Variants in TANC1 observed in about 807,000 individuals in gnomAD.
The protein encoded by TANC1 is protein TANC1.
In TANC1, 77 loss-of-function variants were observed where a neutral mutation model predicts 149.7. The observed-to-expected ratio is 0.51, with a 90% confidence interval of 0.43 to 0.62. TANC1 has a LOEUF of 0.62. Among genes scored for constraint, TANC1 ranks in the 20% least tolerant of loss-of-function variants. The pLI is 0.00. For missense variants in TANC1, 1,985 were observed against 2,321.8 expected (o/e 0.85, Z 2.98); for synonymous variants, 854 against 925.0 (o/e 0.92, Z 1.39).
intron 1 of TANC1, among the ~76,000 whole-genome samples, chr2:158,972,500 T>C (rs995586563): frequency 9.9e-5 from 15 of 152,202 alleles, no homozygotes; most frequent in African/African-American, 3.6e-4. Context: ...TAAATGTTTG[T>C]GCTTTGTCCT....
intron 18 of TANC1, among the ~76,000 whole-genome samples, chr2:159,198,450 C>T (rs2058022850): frequency 6.6e-6 from 1 of 152,212 alleles, no homozygotes; most frequent in African/African-American, 2.4e-5. Context: ...GATGCCTTGT[C>T]TCCCTGCAAG....
intron 2 of TANC1, among the ~76,000 whole-genome samples, chr2:159,057,550 A>G (rs2041944171): frequency 6.6e-6 from 1 of 152,328 alleles, no homozygotes; most frequent in South Asian, 2.1e-4. Flanking sequence ...AAGTTTCTCC[A>G]TTGCTCATAG....
intron 1 of TANC1, among the ~76,000 whole-genome samples, chr2:158,987,162 C>G (rs543493276): frequency 6.9e-6 from 1 of 144,048 alleles, no homozygotes; most frequent in South Asian, 2.2e-4. Context: ...TGCAGTGAGC[C>G]GAGATTGCGC....
At chr2:159,216,596 G>C (rs1377676648) in intron 19 of TANC1, among the ~76,000 whole-genome samples, 4 of 152,170 alleles carry the variant, frequency 2.6e-5, no homozygotes, top group African/African-American at 9.7e-5. Context: ...TTAAGAATCG[G>C]GGAGTGGGGA....
At chr2:159,126,743 T>C (rs1055421121) in intron 4 of TANC1, among the ~76,000 whole-genome samples, 2 of 152,266 alleles carry the variant, frequency 1.3e-5, no homozygotes, top group African/African-American at 2.4e-5. Context: ...ACTGGACATA[T>C]CCCAGCTTAT....
At chr2:159,053,111 G>C (rs1173178197) in intron 2 of TANC1, among the ~76,000 whole-genome samples, 2 of 142,966 alleles carry the variant, frequency 1.4e-5, no homozygotes, top group African/African-American at 5.2e-5. Flanking sequence ...GACTAGATTT[G>C]TTAACATTAA....
intron 19 of TANC1, among the ~76,000 whole-genome samples, chr2:159,200,471 T>C (rs2058167944): frequency 6.6e-6 from 1 of 152,220 alleles, no homozygotes; most frequent in Non-Finnish European, 1.5e-5. Flanking sequence ...ACATCACACA[T>C]TTAGCTCAAG....
At chr2:159,195,834 G>A (rs1474173171) in intron 17 of TANC1, among the ~76,000 whole-genome samples, 1 of 152,188 alleles carries the variant, frequency 6.6e-6, no homozygotes, top group Non-Finnish European at 1.5e-5. Flanking sequence ...CTATGTCAGG[G>A]GGCTCTGGCA....
intron 1 of TANC1, among the ~76,000 whole-genome samples, chr2:158,981,310 CTGGG>C (rs1329926736): frequency 6.6e-6 from 1 of 150,688 alleles, no homozygotes; most frequent in East Asian, 2.0e-4. Flanking sequence ...AAAAAATCAT[CTGGG>C]TATGGTGGTT....
At chr2:159,168,299 ATTT>A (rs35670582) in intron 8 of TANC1, among the ~76,000 whole-genome samples, 2 of 130,366 alleles carry the variant, frequency 1.5e-5, no homozygotes, top group Admixed American at 8.0e-5. Context: ...TAGATCTTTA[ATTT>A]TTTTTTTTTT....
chr2:159,006,863 G>C (rs145115412), intron 2 of TANC1, among the ~76,000 whole-genome samples: 1 of 152,054 alleles, frequency 6.6e-6, no homozygotes, highest in Non-Finnish European at 1.5e-5. Context: ...ATATTGGTGA[G>C]GTATCACAAA....
intron 2 of TANC1, among the ~76,000 whole-genome samples, chr2:159,035,099 A>C (rs2040075462): frequency 6.6e-6 from 1 of 152,200 alleles, no homozygotes; most frequent in Non-Finnish European, 1.5e-5. Flanking sequence ...GGAGAAAAAA[A>C]ATTTTTTTGA....
intron 4 of TANC1, among the ~76,000 whole-genome samples, chr2:159,133,029 A>G (rs137985859): frequency 1.4e-4 from 21 of 152,196 alleles, no homozygotes; most frequent in African/African-American, 4.8e-4. Context: ...ATTTTAAGAA[A>G]GTGCTTACTA....
At chr2:159,206,750 A>G (rs539877602) in intron 19 of TANC1, among the ~76,000 whole-genome samples, 2 of 152,320 alleles carry the variant, frequency 1.3e-5, no homozygotes, top group South Asian at 4.2e-4. Context: ...GAGGTTGTGT[A>G]AAATGCTTTT....
At chr2:159,198,494 C>G (rs1469218686) in intron 18 of TANC1, among the ~76,000 whole-genome samples, 1 of 152,182 alleles carries the variant, frequency 6.6e-6, no homozygotes. Context: ...GTGACTTGAC[C>G]CGCCCTTTGA....
chr2:159,127,412 A>G (rs910604242), intron 4 of TANC1, among the ~76,000 whole-genome samples: 3 of 152,232 alleles, frequency 2.0e-5, no homozygotes, highest in Non-Finnish European at 2.9e-5. Flanking sequence ...CGATTCCTCA[A>G]GGATCTAGAA....
At chr2:159,014,180 T>G (rs2038042242) in intron 2 of TANC1, among the ~76,000 whole-genome samples, 1 of 152,152 alleles carries the variant, frequency 6.6e-6, no homozygotes, top group Admixed American at 6.5e-5. Flanking sequence ...ACTGGGCAAT[T>G]TACAAAAGAA....
At chr2:159,069,413 G>T (rs893208644) in intron 3 of TANC1, among the ~76,000 whole-genome samples, 1 of 152,074 alleles carries the variant, frequency 6.6e-6, no homozygotes, top group Admixed American at 6.6e-5. Flanking sequence ...TTAGGACCTT[G>T]ATCTAAAATA....
chr2:159,096,692 C>T (rs151262476), intron 3 of TANC1, among the ~76,000 whole-genome samples: 101 of 152,078 alleles, frequency 6.6e-4, no homozygotes, highest in East Asian at 7.7e-4. Flanking sequence ...GCCAGAATGG[C>T]GGGGTTTGGT....
Sources: gnomAD v4.1 joint callset for allele counts (sites outside exome capture counted in the v4.1 genomes callset) on GRCh38, gnomAD v4.1.1 for gene constraint, MANE v1.5 for transcripts, NCBI Gene and HGNC (gene_info 2026-07-23, HGNC 2026-07-21) for gene names.